MXD1: variants seen among roughly 807,000 people sequenced by gnomAD.
The protein encoded by MXD1 is MAX dimerization protein 1.
A neutral mutation model predicts 25.7 loss-of-function variants in MXD1; 9 were observed. The observed-to-expected ratio is 0.35, with a 90% confidence interval of 0.21 to 0.61. The LOEUF is 0.61. MXD1 is among the 20% of genes least tolerant of loss of function. The pLI, the probability that MXD1 is intolerant of heterozygous loss-of-function variation, is 0.75. For missense variants in MXD1, 227 were observed against 292.4 expected (o/e 0.78, Z 1.63); for synonymous variants, 99 against 113.9 (o/e 0.87, Z 0.83).
At chr2:69,937,514 A>G (rs1677481702) in intron 5 of MXD1, 120 bp downstream of exon 5, 2 of 1,007,432 alleles carry the variant, frequency 2.0e-6, no homozygotes, top group Non-Finnish European at 2.8e-6. Flanking sequence ...TATGATGTAG[A>G]GAAGTCGAAC....
At chr2:69,922,017 A>C (rs1356227269) in intron 3 of MXD1, among the ~76,000 whole-genome samples, 3 of 152,236 alleles carry the variant, frequency 2.0e-5, no homozygotes, top group Non-Finnish European at 2.9e-5. Context: ...TGACTATTCC[A>C]CAGACCAAAG....
intron 3 of MXD1, among the ~76,000 whole-genome samples, chr2:69,932,588 A>G (rs1260136612): frequency 6.6e-6 from 1 of 152,240 alleles, no homozygotes; most frequent in East Asian, 1.9e-4. Context: ...TGAATGAACA[A>G]GTATTAGTCT....
intron 3 of MXD1, among the ~76,000 whole-genome samples, chr2:69,927,015 G>C (rs985297093): frequency 6.6e-6 from 1 of 152,200 alleles, no homozygotes; most frequent in Non-Finnish European, 1.5e-5. Context: ...TTCTGACCCT[G>C]TGACAGAAGA....
chr2:69,924,321 AC>A (rs1677130649), intron 3 of MXD1, among the ~76,000 whole-genome samples: 1 of 152,304 alleles, frequency 6.6e-6, no homozygotes, highest in East Asian at 1.9e-4. Flanking sequence ...TGACCAATCA[AC>A]CTTTGCTTGT....
At position 69,941,149 on chromosome 2, in the gene MXD1, A is replaced by G. The variant is rs918034302; in HGVS notation, c.*2865A>G. On this transcript the variant is annotated 3_prime_UTR_variant, in exon 6 of 6. Transcript: ENST00000264444. Reference sequence around the variant, plus strand: ...TTTTATGTGAAAGTTGATTTTAAAAAACTAAAAAAATCTAAACTGCACTCT... The same window carrying G: ...TTTTATGTGAAAGTTGATTTTAAAAGACTAAAAAAATCTAAACTGCACTCT... The G allele has an allele frequency of 6.6e-6, 1 of 152,140 alleles. No homozygotes were observed. Among genetic ancestry groups the G allele is most frequent in the South Asian group, 2.1e-4 (1 of 4,832 alleles). 9.4% of individuals were successfully genotyped at this position (152,140 alleles called of 1,614,324 possible). A position where few individuals can be genotyped will look rare whatever the true frequency, so the allele number is the denominator to read the frequency against.
At chr2:69,923,811 T>G (rs1247202774) in intron 3 of MXD1, among the ~76,000 whole-genome samples, 1 of 152,276 alleles carries the variant, frequency 6.6e-6, no homozygotes, top group Non-Finnish European at 1.5e-5. Flanking sequence ...TTTTAGATTT[T>G]CTCTTCAGAT....
In MXD1 at chr2:69,938,850, C is replaced by T. The variant is rs1677524942; in HGVS notation, c.*566C>T. The T allele has an allele frequency of 6.5e-6, 1 of 152,956 alleles. No individual in the cohort carries two copies. The highest frequency in any genetic ancestry group is 2.4e-5 in the African/African-American group (1 of 41,456). The allele number at this position is 152,956 out of a possible 1,614,324, so 9.5% of individuals were successfully genotyped here. On this transcript the variant is annotated 3_prime_UTR_variant, in exon 6 of 6. Coordinates refer to ENST00000264444, the MANE Select transcript of MXD1 (RefSeq NM_002357.4). ...CTTCACACCGCGCATGCTCATTCCCCCGACGCGCCGCGTGTGGATGGGAGC... is the reference window on the plus strand; with the variant it reads ...CTTCACACCGCGCATGCTCATTCCCTCGACGCGCCGCGTGTGGATGGGAGC...
At chr2:69,933,925 T>C (rs1677359790) in intron 3 of MXD1, among the ~76,000 whole-genome samples, 1 of 152,154 alleles carries the variant, frequency 6.6e-6, no homozygotes, top group Non-Finnish European at 1.5e-5. Flanking sequence ...TCCAAGTAGG[T>C]TGTGTGTGGG....
chr2:69,915,974 A>T lies in MXD1; in HGVS notation c.74-147A>T. The T allele has an allele frequency of 7.7e-6, 5 of 650,594 alleles. No individual in the cohort carries two copies. Among genetic ancestry groups the T allele is most frequent in the South Asian group, 3.5e-5 (2 of 56,664 alleles). The allele number at this position is 650,594 out of a possible 1,614,324, so 40.3% of individuals were successfully genotyped here. On this transcript the variant is annotated intron_variant, in intron 1 of 5. Coordinates refer to ENST00000264444, the MANE Select transcript of MXD1 (RefSeq NM_002357.4). This position sits in a 1 kb window ranked among gnomAD's most constrained non-coding sequence, Gnocchi z 5.8. Reference sequence around the variant, plus strand: ...TATTCACACAATTTTTTTTTAAATCATTGTTCTCAGAATTCCACCTTACTC... The same window carrying T: ...TATTCACACAATTTTTTTTTAAATCTTTGTTCTCAGAATTCCACCTTACTC...
In MXD1 at chr2:69,938,550, C is replaced by G. The variant is rs985934080; in HGVS notation, c.*266C>G. 6.2e-5 allele frequency: 25 copies of G among 403,498 alleles called. No individual in the cohort carries two copies. The South Asian group carries it at 6.3e-4, about 10-fold the overall frequency. 25.0% of individuals were successfully genotyped at this position (403,498 alleles called of 1,614,324 possible). On this transcript the variant is annotated 3_prime_UTR_variant, in exon 6 of 6. Coordinates refer to ENST00000264444, the MANE Select transcript of MXD1 (RefSeq NM_002357.4). ...TTGAAGCATCCAAGAATTCTTAGAC[C>G]GAATAAGCAATGTCCACATCTCAGC...
rs942076172 is a variant in MXD1, at chr2:69,938,597, C to T, written c.*313C>T. 43 of 250,846 alleles carry T rather than the reference C, an allele frequency of 1.7e-4. 1 individual carries two copies. The highest frequency in any genetic ancestry group is 1.1e-4 in the East Asian group (1 of 9,518). 15.5% of individuals were successfully genotyped at this position (250,846 alleles called of 1,614,324 possible). ...CAGCAATCCCCCTCTTTGCTCTCCTCGTGTCCTCTCCCAGACCTTTCTTCC... is the reference window on the plus strand; with the variant it reads ...CAGCAATCCCCCTCTTTGCTCTCCTTGTGTCCTCTCCCAGACCTTTCTTCC... On this transcript the variant is annotated 3_prime_UTR_variant, in exon 6 of 6. Coordinates refer to ENST00000264444, the MANE Select transcript of MXD1 (RefSeq NM_002357.4).
Position 69,939,877 on chromosome 2 carries a change from C to CA in MXD1, c.*1594dup, listed in dbSNP as rs1410549224. 5 of 152,542 alleles carry CA rather than the reference C, an allele frequency of 3.3e-5. No homozygotes were observed. Among genetic ancestry groups the CA allele is most frequent in the Admixed American group, 3.3e-4 (5 of 15,290 alleles). The allele number at this position is 152,542 out of a possible 1,614,324, so 9.4% of individuals were successfully genotyped here. A position where few individuals can be genotyped will look rare whatever the true frequency, so the allele number is the denominator to read the frequency against. On this transcript the variant is annotated 3_prime_UTR_variant, in exon 6 of 6. Transcript: ENST00000264444. The stretch of plus-strand genomic sequence containing the variant: ...CGCACACCACAGCCTGAAGCTCCCC[C>CA]AGCGCCTGCACCTCGCACACAGCTA...
chr2:69,924,534 C>T (rs186339725), intron 3 of MXD1, among the ~76,000 whole-genome samples: 66 of 152,246 alleles, frequency 4.3e-4, no homozygotes, highest in African/African-American at 1.5e-3. Flanking sequence ...AGCATGGATG[C>T]TTAAGAACTT....
At chr2:69,919,100 GAGTTTGTTTAAA>G (rs1311100873) in intron 2 of MXD1, among the ~76,000 whole-genome samples, 1 of 152,104 alleles carries the variant, frequency 6.6e-6, no homozygotes, top group African/African-American at 2.4e-5. Flanking sequence ...GCTTCCTATG[GAGTTTGTTTAAA>G]AGTTTATTTT....
At position 69,928,703 on chromosome 2, in the gene MXD1, C is replaced by CA. The variant is rs35921399; in HGVS notation, c.204-6632dup. ...GCAACATAGTGAGACCCATCTGTAC[C>CA]AAAAAAAAAAAAAAAACCTGTAGTC... On this transcript the variant is annotated intron_variant, in intron 3 of 5. Transcript: ENST00000264444. Among the ~76,000 whole-genome samples the CA allele has an allele frequency of 3.1e-3, 392 of 128,108 alleles. 3 individuals are homozygous for CA. Among genetic ancestry groups the CA allele is most frequent in the African/African-American group, 4.7e-3 (170 of 36,134 alleles). 84.0% of individuals were successfully genotyped at this position (128,108 alleles called of 152,430 possible). A position where few individuals can be genotyped will look rare whatever the true frequency, so the allele number is the denominator to read the frequency against.
chr2:69,929,706 GT>G (rs1442077380), intron 3 of MXD1, among the ~76,000 whole-genome samples: 8 of 152,170 alleles, frequency 5.3e-5, no homozygotes, highest in African/African-American at 1.9e-4. Flanking sequence ...TCTTTAATCT[GT>G]TTGGAATTTA....
Position 69,938,486 on chromosome 2 carries a change from T to C in MXD1, c.*202T>C. 1.8e-6 allele frequency: 1 copy of C among 566,552 alleles called. No individual in the cohort carries two copies. The highest frequency in any genetic ancestry group is 1.9e-5 in the African/African-American group (1 of 53,070). 35.1% of individuals were successfully genotyped at this position (566,552 alleles called of 1,614,324 possible). ...CCACTAGCTTCTCTTTTTCTCGCCATAAAAATTTGTCTCTGAGAGACTATA... is the reference window on the plus strand; with the variant it reads ...CCACTAGCTTCTCTTTTTCTCGCCACAAAAATTTGTCTCTGAGAGACTATA... On this transcript the variant is annotated 3_prime_UTR_variant, in exon 6 of 6. Transcript: ENST00000264444.
rs138261662 is a variant in MXD1, at chr2:69,941,173, C to T, written c.*2889C>T. The T allele has an allele frequency of 6.6e-6, 1 of 152,308 alleles. No homozygotes were observed. The highest frequency in any genetic ancestry group is 1.5e-5 in the Non-Finnish European group (1 of 68,014). 9.4% of individuals were successfully genotyped at this position (152,308 alleles called of 1,614,324 possible). A position where few individuals can be genotyped will look rare whatever the true frequency, so the allele number is the denominator to read the frequency against. ...AAACTAAAAAAATCTAAACTGCACT[C>T]TTATTGATACCATCATAACGCAAGT... On this transcript the variant is annotated 3_prime_UTR_variant, in exon 6 of 6. Transcript: ENST00000264444.
chr2:69,938,400 C>A lies in MXD1; in HGVS notation c.*116C>A. ...GTAAACTTCAGTGTCCCACCTTGAC[C>A]AAAATCAGCTTTGTAACTGTTTTCA... On this transcript the variant is annotated 3_prime_UTR_variant, in exon 6 of 6. Transcript: ENST00000264444. 3 of 1,054,376 alleles carry A rather than the reference C, an allele frequency of 2.8e-6. No homozygotes were observed. The highest frequency in any genetic ancestry group is 4.2e-6 in the Non-Finnish European group (3 of 720,708). The allele number at this position is 1,054,376 out of a possible 1,614,324, so 65.3% of individuals were successfully genotyped here.
Sources: allele counts gnomAD v4.1 joint callset (sites outside exome capture counted in the v4.1 genomes callset), GRCh38; gene constraint gnomAD v4.1.1; non-coding constraint Gnocchi (gnomAD v3.1); transcripts MANE v1.5; gene names NCBI Gene and HGNC (gene_info 2026-07-23, HGNC 2026-07-21).